The following TLE2 variants were observed in gnomAD, a reference collection of about 807,000 sequenced individuals.
The protein encoded by TLE2 is transducin-like enhancer protein 2.
A neutral mutation model predicts 97.2 loss-of-function variants in TLE2; 74 were observed. The ratio of observed to expected loss-of-function variants is 0.76; its 90% CI spans 0.63 to 0.92. The LOEUF (loss-of-function observed/expected upper bound fraction) is 0.92. TLE2 is among the 40% of genes least tolerant of loss of function. The probability of loss-of-function intolerance (pLI) is 0.00; values close to 1 mark genes in which losing one functional copy is unlikely to be tolerated. For synonymous variants in TLE2, 499 were observed against 432.1 expected, an observed-to-expected ratio of 1.15 and a Z score of -1.92; for missense variants, 1,038 against 1,008.7, an observed-to-expected ratio of 1.03 and a Z score of -0.39.
chr19:3,009,089 C>T (rs2089536788), intron 13 of TLE2, 144 bp from the exon 14 acceptor site: 4 of 597,686 alleles, frequency 6.7e-6, no homozygotes, highest in Non-Finnish European at 1.1e-5. Flanking sequence ...TGTCACACTA[C>T]AGATGAGAGG....
At chr19:3,032,395 G>A (rs974797473), upstream of TLE2, among the ~76,000 whole-genome samples, 2 of 151,890 alleles carry the variant, frequency 1.3e-5, no homozygotes, top group African/African-American at 2.4e-5. This position sits in a 1 kb window ranked among gnomAD's most constrained non-coding sequence, Gnocchi z 4.1. Flanking sequence ...CCACCACCAC[G>A]CCTGGCTAAT....
At chr19:3,004,619 A>G (rs915336907) in intron 17 of TLE2, among the ~76,000 whole-genome samples, 6 of 151,170 alleles carry the variant, frequency 4.0e-5, no homozygotes, top group Non-Finnish European at 8.9e-5. Context: ...TGTCTCAAAA[A>G]AAAAAAAAAA....
intron 1 of TLE2, among the ~76,000 whole-genome samples, chr19:3,035,965 C>T (rs2090059805): frequency 6.6e-6 from 1 of 152,196 alleles, no homozygotes; most frequent in African/African-American, 2.4e-5. Flanking sequence ...CCCTTCAAAA[C>T]AAGGGACCCT....
At position 3,006,602 on chromosome 19, in the gene TLE2, C is replaced by T; in HGVS notation, c.1318G>A (p.Val440Ile). The T allele has an allele frequency of 6.2e-7, 1 of 1,610,064 alleles. No homozygotes were observed. Among genetic ancestry groups the T allele is most frequent in the African/African-American group, 1.3e-5 (1 of 74,968 alleles). Residue 440 changes from valine (V) to isoleucine (I), a missense_variant, in exon 15 of 20, where the codon GTA (valine) becomes ATA (isoleucine). Physicochemically the swap from Val to Ile is conservative, Grantham distance 29 (BLOSUM62 3). Transcript: ENST00000262953. ...GCGTGCCGCGGGATGCCCGCGCCTACCAGTGCATCCGAGGGGAAGGGAACC... is the reference window on the plus strand; with the variant it reads ...GCGTGCCGCGGGATGCCCGCGCCTATCAGTGCATCCGAGGGGAAGGGAACC... ...QPVPFPSDAL[V>I]GAGIPRHARQ...
chr19:3,017,119 G>GT (rs1456042734), intron 8 of TLE2, among the ~76,000 whole-genome samples: 1 of 150,624 alleles, frequency 6.6e-6, no homozygotes. Context: ...TATGGATCTT[G>GT]TTTTTTTATT....
At chr19:3,022,333 C>A (rs1388246696) in intron 5 of TLE2, among the ~76,000 whole-genome samples, 1 of 151,982 alleles carries the variant, frequency 6.6e-6, no homozygotes, top group Non-Finnish European at 1.5e-5. Context: ...ACCAGCCTGG[C>A]CAACATGGTG....
At chr19:3,046,821 A>T (rs1407670378), upstream of TLE2, among the ~76,000 whole-genome samples, 1 of 151,650 alleles carries the variant, frequency 6.6e-6, no homozygotes, top group Non-Finnish European at 1.5e-5. Context: ...AGAGGTAACC[A>T]GAAAGGAATA....
Position 3,026,279 on chromosome 19 carries a change from T to G in TLE2, c.232-1197A>C, listed in dbSNP as rs1042955855. On this transcript the variant is annotated intron_variant, in intron 4 of 19. Transcript: ENST00000262953. The stretch of plus-strand genomic sequence containing the variant: ...CTGGCCAACATGGAGAAACCCCGTC[T>G]CTACTAAAAATACAAAATATTAGCC... 2.1e-4 allele frequency among the ~76,000 whole-genome samples: 32 copies of G among 151,816 alleles called. 1 individual carries two copies. Among genetic ancestry groups the G allele is most frequent in the Non-Finnish European group, 1.8e-4 (12 of 67,952 alleles).
rs2145093402 is a variant in TLE2, at chr19:2,997,890, G to A, written c.2190C>T (p.Gly730=). ...ISRNNKYIVT[G]SGDKKATVYE... is the part of the protein sequence containing the mutation. The stretch of plus-strand genomic sequence containing the variant: ...ACACGGTGGCCTTCTTGTCCCCCGA[G>A]CCTGTCACGATGTATTTGTTATTTC... The change falls in exon 20 of 20, where the codon GGC becomes GGT. Residue 730 remains glycine, a synonymous_variant. Transcript: ENST00000262953. 6.2e-7 allele frequency: 1 copy of A among 1,612,924 alleles called. No homozygotes were observed. Among genetic ancestry groups the A allele is most frequent in the Non-Finnish European group, 8.5e-7 (1 of 1,179,516 alleles).
At chr19:3,039,145 C>T (rs937140700) in intron 1 of TLE2, among the ~76,000 whole-genome samples, 1 of 148,566 alleles carries the variant, frequency 6.7e-6, no homozygotes, top group Non-Finnish European at 1.5e-5. Flanking sequence ...ACCCGGGAGG[C>T]GGAGGTTGCA....
Position 3,025,369 on chromosome 19 carries a change from G to A in TLE2, c.232-287C>T, listed in dbSNP as rs533255310. The A allele has an allele frequency of 7.4e-6, 9 of 1,213,608 alleles. No homozygotes were observed. The East Asian group carries it at 3.0e-4, about 40-fold the overall frequency. The allele number at this position is 1,213,608 out of a possible 1,614,324, so 75.2% of individuals were successfully genotyped here. ...CCACCCGCCAGACGCACACCCGCCAGGGATTTGCAGGAGGCAGACGCTCAG... is the reference window on the plus strand; with the variant it reads ...CCACCCGCCAGACGCACACCCGCCAAGGATTTGCAGGAGGCAGACGCTCAG... On this transcript the variant is annotated intron_variant, in intron 4 of 19. Coordinates refer to ENST00000262953, the MANE Select transcript of TLE2 (RefSeq NM_003260.5).
chr19:2,999,173 T>C (rs1599187237), intron 19 of TLE2, among the ~76,000 whole-genome samples: 1 of 151,850 alleles, frequency 6.6e-6, no homozygotes, highest in East Asian at 2.0e-4. Flanking sequence ...TGCCAGTTAC[T>C]TGGGAAGCTG....
chr19:3,034,193 G>A (rs1724664418), upstream of TLE2, among the ~76,000 whole-genome samples: 2 of 151,864 alleles, frequency 1.3e-5, no homozygotes, highest in Admixed American at 1.3e-4. Flanking sequence ...CACCTGGCCT[G>A]CAACCCTCCT....
chr19:3,016,935 CACCCA>C (rs2089720453), intron 8 of TLE2, among the ~76,000 whole-genome samples: 1 of 151,812 alleles, frequency 6.6e-6, no homozygotes, highest in Non-Finnish European at 1.5e-5. Context: ...CCCACCACCA[CACCCA>C]GCTAATTTTG....
chr19:3,022,688 C>G lies in TLE2; in HGVS notation c.294+2332G>C, dbSNP rs545797319. ...TGCACTCTGAGGCTGCTTGTGTATA[C>G]ACGCTCCTGAAGACAGACATCTGGG... is the stretch of plus-strand genomic sequence containing the variant. On this transcript the variant is annotated intron_variant, in intron 5 of 19. Transcript: ENST00000262953. Among the ~76,000 whole-genome samples, 5 of 152,242 alleles carry G rather than the reference C, an allele frequency of 3.3e-5. No homozygotes were observed. The South Asian group carries it at 6.2e-4, about 19-fold the overall frequency.
Position 3,005,515 on chromosome 19 carries a change from T to A in TLE2, c.1818A>T (p.Thr606=), listed in dbSNP as rs2089454525. 6.2e-7 allele frequency: 1 copy of A among 1,613,662 alleles called. No individual in the cohort carries two copies. Among genetic ancestry groups the A allele is most frequent in the South Asian group, 1.1e-5 (1 of 91,060 alleles). ...DISDYGTRLW[T]GGLDNTVRCW... ...AGCGCACCGTGTTGTCCAGGCCCCC[T>A]GTCCAGAGCCGAGTGCCGTAATCGG... The change falls in exon 17 of 20, where the codon ACA becomes ACT. Residue 606 remains threonine (T), a synonymous_variant. Transcript: ENST00000262953.
chr19:3,009,487 G>GC (rs2089544442), intron 13 of TLE2, 55 bp downstream of exon 13: 1 of 1,518,846 alleles, frequency 6.6e-7, no homozygotes, highest in African/African-American at 1.4e-5. Context: ...TCTCCTCCCG[G>GC]CCCCCAGCCC....
rs1263314607 is a variant in TLE2 at position 3,015,367 on chromosome 19, GGTTTCTAAAACATGT to G, written c.678+271_678+285del. Among the ~76,000 whole-genome samples, 73 of 152,230 alleles carry G rather than the reference GGTTTCTAAAACATGT, an allele frequency of 4.8e-4. 1 individual carries two copies. The highest frequency in any genetic ancestry group is 4.4e-5 in the Non-Finnish European group (3 of 68,042). Reference sequence around the variant, plus strand: ...CACTTTGTTTCTTGATAGAAAAATGGGTTTCTAAAACATGTGTGTTCTAGGGAAAGAAAACAGCTG... The same window carrying G: ...CACTTTGTTTCTTGATAGAAAAATGGGTGTTCTAGGGAAAGAAAACAGCTG... On this transcript the variant is annotated intron_variant, in intron 9 of 19. Coordinates refer to ENST00000262953, the MANE Select transcript of TLE2 (RefSeq NM_003260.5).
chr19:3,035,356 T>C (rs2090053936), intron 1 of TLE2, among the ~76,000 whole-genome samples: 1 of 152,070 alleles, frequency 6.6e-6, no homozygotes, highest in Non-Finnish European at 1.5e-5. Context: ...GCGACTTCAT[T>C]TGCCACGCGG....
Sources: allele counts gnomAD v4.1 joint callset (sites outside exome capture counted in the v4.1 genomes callset), GRCh38; gene constraint gnomAD v4.1.1; non-coding constraint Gnocchi (gnomAD v3.1); transcripts MANE v1.5; gene names NCBI Gene and HGNC (gene_info 2026-07-23, HGNC 2026-07-21).